Variants in EPHB1 observed in about 807,000 individuals in gnomAD.
EPHB1 encodes EPH receptor B1.
EPHB1 carries 30 observed loss-of-function variants against 94.4 expected under a neutral mutation model. The observed-to-expected ratio is 0.32, with a 90% CI of 0.24 to 0.43. The LOEUF is 0.43. Among genes scored for constraint, EPHB1 ranks in the 20% least tolerant of loss-of-function variants. The pLI is 1.00. For synonymous variants in EPHB1, 522 were observed against 489.1 expected, an observed-to-expected ratio of 1.07 and a Z score of -0.89; for missense variants, 1,055 against 1,308.3, an observed-to-expected ratio of 0.81 and a Z score of 2.99.
intron 3 of EPHB1, among the ~76,000 whole-genome samples, chr3:134,984,909 T>C (rs1255267486): frequency 6.6e-6 from 1 of 151,276 alleles, no homozygotes; most frequent in Non-Finnish European, 1.5e-5. Flanking sequence ...AGAGGTAGAG[T>C]AGTTATGTCA....
At chr3:135,247,499 C>T (rs1158376376) in intron 13 of EPHB1, among the ~76,000 whole-genome samples, 3 of 151,978 alleles carry the variant, frequency 2.0e-5, no homozygotes, top group Admixed American at 1.3e-4. Context: ...ATGTAAAAAG[C>T]ACAGTGTAGG....
Position 135,080,088 on chromosome 3 carries a change from G to A in EPHB1, c.806-26360G>A, listed in dbSNP as rs192080358. On this transcript the variant is annotated intron_variant, in intron 3 of 15. Transcript: ENST00000398015. ...TGGGCTAATGTTCCACACTTCTTGG[G>A]ATTGTCACTGTAGCAACGCTGCCTC... is the stretch of plus-strand genomic sequence containing the variant. Among the ~76,000 whole-genome samples the A allele has an allele frequency of 2.2e-3, 340 of 152,306 alleles. 1 individual carries two copies. The highest frequency in any genetic ancestry group is 7.7e-3 in the African/African-American group (322 of 41,570).
At chr3:134,911,988 A>G (rs113646249) in intron 1 of EPHB1, among the ~76,000 whole-genome samples, 22 of 152,328 alleles carry the variant, frequency 1.4e-4, no homozygotes, top group African/African-American at 5.1e-4. Flanking sequence ...CCACAGATCA[A>G]TCAGGACTGA....
At chr3:135,134,880 G>T (rs1312375690) in intron 5 of EPHB1, among the ~76,000 whole-genome samples, 1 of 151,982 alleles carries the variant, frequency 6.6e-6, no homozygotes, top group Non-Finnish European at 1.5e-5. Flanking sequence ...ATATCGGTTT[G>T]CTTTTATTTC....
chr3:135,189,117 G>A (rs1942399165), intron 10 of EPHB1, among the ~76,000 whole-genome samples: 1 of 152,244 alleles, frequency 6.6e-6, no homozygotes, highest in South Asian at 2.1e-4. Flanking sequence ...AATTAGGAAA[G>A]TAGTTTGATT....
At chr3:135,143,839 G>A (rs1160404411) in intron 5 of EPHB1, among the ~76,000 whole-genome samples, 1 of 152,182 alleles carries the variant, frequency 6.6e-6, no homozygotes. Flanking sequence ...TCACATAAAT[G>A]GCACATTCTA....
rs193035357 is a variant in EPHB1, at chr3:135,161,298, A to C, written c.1423-720A>C. 1.5e-3 allele frequency among the ~76,000 whole-genome samples: 233 copies of C among 152,262 alleles called. 1 individual carries two copies. The highest frequency in any genetic ancestry group is 5.4e-3 in the African/African-American group (224 of 41,554). ...AGTGACAGACAGGAGAATGGGGCTC[A>C]TCCAGAGTAGGTGGGGGGGATGAGG... On this transcript the variant is annotated intron_variant, in intron 6 of 15. Coordinates refer to ENST00000398015, the MANE Select transcript of EPHB1 (RefSeq NM_004441.5).
In EPHB1 at chr3:134,969,453, C is replaced by G. The variant is rs532534788; in HGVS notation, c.805+17401C>G. Among the ~76,000 whole-genome samples, 3 of 152,196 alleles carry G rather than the reference C, an allele frequency of 2.0e-5. No individual in the cohort carries two copies. In the South Asian group the frequency reaches 6.2e-4, roughly 32 times the overall value. The stretch of plus-strand genomic sequence containing the variant: ...GGCTGCCTCTTCTCTTAGAGGAGCC[C>G]TGGGAGGCAGGTGTGGCCATGAGGA... On this transcript the variant is annotated intron_variant, in intron 3 of 15. Coordinates refer to ENST00000398015, the MANE Select transcript of EPHB1 (RefSeq NM_004441.5).
At chr3:134,992,232 C>A (rs1419036612) in intron 3 of EPHB1, among the ~76,000 whole-genome samples, 1 of 152,092 alleles carries the variant, frequency 6.6e-6, no homozygotes, top group Non-Finnish European at 1.5e-5. Flanking sequence ...GGGGGTGATC[C>A]AGGGAGCAGG....
intron 12 of EPHB1, among the ~76,000 whole-genome samples, chr3:135,212,782 T>C (rs1407570744): frequency 6.6e-6 from 1 of 152,214 alleles, no homozygotes; most frequent in Non-Finnish European, 1.5e-5. Flanking sequence ...GATAAAACCT[T>C]GTGCTGTTCA....
chr3:135,091,040 C>T (rs993664117), intron 3 of EPHB1, among the ~76,000 whole-genome samples: 1 of 152,204 alleles, frequency 6.6e-6, no homozygotes, highest in Admixed American at 6.5e-5. Context: ...TATACATATG[C>T]AGCACTTGAC....
At chr3:135,232,925 T>G (rs1943566819) in intron 12 of EPHB1, among the ~76,000 whole-genome samples, 1 of 152,110 alleles carries the variant, frequency 6.6e-6, no homozygotes, top group Non-Finnish European at 1.5e-5. Context: ...ACTAGTACAG[T>G]AGAACAGAAG....
chr3:135,093,050 A>G (rs572877967), intron 3 of EPHB1, among the ~76,000 whole-genome samples: 16 of 152,308 alleles, frequency 1.1e-4, no homozygotes, highest in Admixed American at 8.5e-4. Context: ...CTCCGTGTCA[A>G]TGGACTTCTT....
At chr3:135,124,763 G>T (rs1940130471) in intron 4 of EPHB1, among the ~76,000 whole-genome samples, 1 of 151,608 alleles carries the variant, frequency 6.6e-6, no homozygotes, top group Admixed American at 6.6e-5. Context: ...TCTCTGATAA[G>T]GTTGTGCTCA....
chr3:135,229,769 G>T (rs1380436402), intron 12 of EPHB1, among the ~76,000 whole-genome samples: 1 of 152,174 alleles, frequency 6.6e-6, no homozygotes, highest in Admixed American at 6.5e-5. Context: ...GTAGCCACTC[G>T]ATGTCAGAAG....
chr3:135,083,008 G>C (rs945829847), intron 3 of EPHB1, among the ~76,000 whole-genome samples: 1 of 152,204 alleles, frequency 6.6e-6, no homozygotes, highest in African/African-American at 2.4e-5. Context: ...AATTCTGCAC[G>C]TGGATGGGAA....
At chr3:135,181,941 C>T (rs915024093) in intron 10 of EPHB1, among the ~76,000 whole-genome samples, 2 of 152,082 alleles carry the variant, frequency 1.3e-5, no homozygotes, top group African/African-American at 2.4e-5. Context: ...TCTATGATGC[C>T]CAGTAGCATG....
chr3:135,019,388 C>T (rs980362300), intron 3 of EPHB1, among the ~76,000 whole-genome samples: 1 of 152,168 alleles, frequency 6.6e-6, no homozygotes, highest in African/African-American at 2.4e-5. Flanking sequence ...GCAAAGCAGA[C>T]ATAAGCCTTT....
intron 4 of EPHB1, among the ~76,000 whole-genome samples, chr3:135,130,851 C>G (rs941480475): frequency 6.6e-6 from 1 of 152,092 alleles, no homozygotes; most frequent in Non-Finnish European, 1.5e-5. Context: ...AACAGGGGCC[C>G]GCGGGTGAGT....
Sources: gnomAD v4.1 joint callset for allele counts (sites outside exome capture counted in the v4.1 genomes callset) on GRCh38, gnomAD v4.1.1 for gene constraint, MANE v1.5 for transcripts, NCBI Gene and HGNC (gene_info 2026-07-23, HGNC 2026-07-21) for gene names.